SAMD12: variants seen among roughly 807,000 people sequenced by gnomAD.
The protein encoded by SAMD12 is sterile alpha motif domain-containing protein 12.
Under a neutral mutation model 15.0 loss-of-function variants are expected in SAMD12, and 9 were observed. That is an observed-to-expected ratio of 0.60 (90% CI 0.36 to 1.05). The LOEUF is 1.05. Among genes scored for constraint, SAMD12 ranks in the 50% least tolerant of loss-of-function variants. SAMD12 has a pLI of 0.01. For missense variants in SAMD12, 230 were observed against 234.2 expected (o/e 0.98, Z 0.12); for synonymous variants, 86 against 90.1 (o/e 0.96, Z 0.25).
At chr8:118,132,833 T>C in the SAMD12 span, among the ~76,000 whole-genome samples, 1 of 151,644 alleles carries the variant, frequency 6.6e-6, no homozygotes, top group African/African-American at 2.4e-5. Context: ...TATGTTTTTA[T>C]TACCCAAACT....
intron 2 of SAMD12, among the ~76,000 whole-genome samples, chr8:118,566,637 G>C (rs369107201): frequency 2.0e-5 from 3 of 152,186 alleles, no homozygotes; most frequent in African/African-American, 7.2e-5. Context: ...CCATAACACA[G>C]GTCATAAACG....
intron 4 of SAMD12, among the ~76,000 whole-genome samples, chr8:118,344,642 A>C (rs1322234878): frequency 1.3e-5 from 2 of 152,242 alleles, no homozygotes; most frequent in Non-Finnish European, 2.9e-5. Context: ...TAGCACTAGC[A>C]TGTGATAAAG....
chr8:118,456,027 T>C (rs1055449346), intron 2 of SAMD12, among the ~76,000 whole-genome samples: 1 of 152,226 alleles, frequency 6.6e-6, no homozygotes, highest in Non-Finnish European at 1.5e-5. Context: ...AGTAAACTTA[T>C]AAATATGTAA....
chr8:118,462,289 G>T (rs1193487171), intron 2 of SAMD12, among the ~76,000 whole-genome samples: 3 of 152,140 alleles, frequency 2.0e-5, no homozygotes, highest in Admixed American at 1.3e-4. Context: ...AAAGGATATG[G>T]TTATTCTGTT....
At chr8:118,247,410 G>C (rs1467352856) in intron 4 of SAMD12, among the ~76,000 whole-genome samples, 1 of 151,936 alleles carries the variant, frequency 6.6e-6, no homozygotes, top group Non-Finnish European at 1.5e-5. Context: ...TAAAAGAATG[G>C]ATTTTAAATG....
chr8:118,458,815 G>C (rs371923767), intron 2 of SAMD12, among the ~76,000 whole-genome samples: 9 of 152,116 alleles, frequency 5.9e-5, no homozygotes, highest in Non-Finnish European at 1.0e-4. Flanking sequence ...AGTCAAACTA[G>C]TTTTCAAGTT....
chr8:118,297,458 C>T (rs1463003904), intron 4 of SAMD12, among the ~76,000 whole-genome samples: 1 of 152,192 alleles, frequency 6.6e-6, no homozygotes, highest in Non-Finnish European at 1.5e-5. Flanking sequence ...TCCGAAGGGA[C>T]TAATTTCACA....
intron 2 of SAMD12, among the ~76,000 whole-genome samples, chr8:118,488,409 C>A (rs1426670759): frequency 6.6e-6 from 1 of 152,128 alleles, no homozygotes; most frequent in Non-Finnish European, 1.5e-5. Flanking sequence ...GTGCACTAAT[C>A]TTTACAGGTA....
chr8:118,354,484 C>T (rs904987314), intron 4 of SAMD12, among the ~76,000 whole-genome samples: 1 of 152,218 alleles, frequency 6.6e-6, no homozygotes, highest in African/African-American at 2.4e-5. Flanking sequence ...TATTTCTAAG[C>T]TCAGGTTTCT....
intron 2 of SAMD12, among the ~76,000 whole-genome samples, chr8:118,541,830 T>C (rs189114752): frequency 4.6e-5 from 7 of 152,324 alleles, no homozygotes; most frequent in Non-Finnish European, 7.4e-5. Flanking sequence ...TTAACTCATG[T>C]TGACTTTGAG....
At chr8:118,278,709 G>C (rs1466997340) in intron 4 of SAMD12, among the ~76,000 whole-genome samples, 2 of 152,188 alleles carry the variant, frequency 1.3e-5, no homozygotes, top group African/African-American at 4.8e-5. Flanking sequence ...AGGGGTTAGA[G>C]TTTGCATGAC....
intron 4 of SAMD12, among the ~76,000 whole-genome samples, chr8:118,331,016 C>T (rs1240548454): frequency 6.6e-6 from 1 of 151,820 alleles, no homozygotes; most frequent in African/African-American, 2.4e-5. Context: ...ATAAAATATA[C>T]ATTCCTAGGG....
intron 4 of SAMD12, among the ~76,000 whole-genome samples, chr8:118,345,960 C>T (rs1346597510): frequency 6.6e-6 from 1 of 152,168 alleles, no homozygotes; most frequent in Admixed American, 6.5e-5. Flanking sequence ...GCTGAAAGAA[C>T]AGATGCTGGG....
chr8:118,157,079 C>G, the SAMD12 span, among the ~76,000 whole-genome samples: 1 of 152,094 alleles, frequency 6.6e-6, no homozygotes, highest in East Asian at 1.9e-4. Context: ...GTTGGAGTCA[C>G]TAAAGTACAT....
chr8:118,526,630 G>A (rs1201903431), intron 2 of SAMD12, among the ~76,000 whole-genome samples: 1 of 152,160 alleles, frequency 6.6e-6, no homozygotes, highest in Non-Finnish European at 1.5e-5. Flanking sequence ...TGGAGCACCA[G>A]AAGAGTGCTG....
chr8:118,587,222 G>C (rs988472779), intron 1 of SAMD12, among the ~76,000 whole-genome samples: 4 of 152,224 alleles, frequency 2.6e-5, no homozygotes, highest in Non-Finnish European at 4.4e-5. Context: ...TCCTGAAGGA[G>C]ATGGTCCTTC....
chr8:118,262,832 T>C (rs965108223), intron 4 of SAMD12, among the ~76,000 whole-genome samples: 1 of 152,120 alleles, frequency 6.6e-6, no homozygotes, highest in South Asian at 2.1e-4. Context: ...AAGGTTTTAA[T>C]AGGCTTCTAG....
At chr8:118,168,536 A>G in the SAMD12 span, among the ~76,000 whole-genome samples, 6 of 152,142 alleles carry the variant, frequency 3.9e-5, no homozygotes, top group Non-Finnish European at 7.3e-5. Context: ...GATTCTCCTC[A>G]TTACATTCTG....
chr8:118,582,765 G>A (rs73319353), intron 1 of SAMD12, among the ~76,000 whole-genome samples: 1,662 of 152,184 alleles, frequency 0.011, 13 homozygotes, highest in African/African-American at 0.028. Flanking sequence ...TAGTATACAC[G>A]ATTTCATATT....
Sources: gnomAD v4.1 joint callset for allele counts (sites outside exome capture counted in the v4.1 genomes callset) on GRCh38, gnomAD v4.1.1 for gene constraint, MANE v1.5 for transcripts, NCBI Gene and HGNC (gene_info 2026-07-23, HGNC 2026-07-21) for gene names.